The following LMBRD1 variants were observed in gnomAD, a reference collection of about 807,000 sequenced individuals.
LMBRD1 encodes lysosomal cobalamin transport escort protein LMBD1.
LMBRD1 carries 64 observed loss-of-function variants against 74.8 expected under a neutral mutation model. The ratio of observed to expected loss-of-function variants is 0.86; its 90% confidence interval spans 0.70 to 1.05. The LOEUF (loss-of-function observed/expected upper bound fraction) is 1.05, where lower values mean the gene tolerates loss of function less well. Among genes scored for constraint, LMBRD1 ranks in the 50% least tolerant of loss-of-function variants. The probability of loss-of-function intolerance (pLI) is 0.00; values close to 1 mark genes in which losing one functional copy is unlikely to be tolerated. For synonymous variants in LMBRD1, 204 were observed against 216.3 expected (o/e 0.94, Z 0.50); for missense variants, 652 against 645.9 (o/e 1.01, Z -0.10).
rs1216357242 is a variant in LMBRD1, at chr6:69,780,568, A to T, written c.247-14T>A. 6.3e-7 allele frequency: 1 copy of T among 1,590,898 alleles called. No homozygotes were observed. The highest frequency in any genetic ancestry group is 1.7e-5 in the Admixed American group (1 of 59,984). ...ATTAGCCCAGTCCTAGGATAAAAGG[A>T]AACAATAGAAATATTAATGAAACAC... On this transcript the variant is annotated splice_polypyrimidine_tract_variant and intron_variant, in intron 2 of 15. Transcript: ENST00000649934.
intron 3 of LMBRD1, among the ~76,000 whole-genome samples, chr6:69,774,444 A>G (rs1415608768): frequency 6.6e-6 from 1 of 152,164 alleles, no homozygotes; most frequent in African/African-American, 2.4e-5. Flanking sequence ...AGCCTCAAAT[A>G]ATTCCTGCTT....
chr6:69,784,973 A>G (rs1368299827), intron 2 of LMBRD1, among the ~76,000 whole-genome samples: 1 of 152,170 alleles, frequency 6.6e-6, no homozygotes, highest in Non-Finnish European at 1.5e-5. Flanking sequence ...AAACTTCCTG[A>G]AAAGTTGTCA....
chr6:69,761,243 C>A (rs1243867562), intron 3 of LMBRD1, among the ~76,000 whole-genome samples: 1 of 152,062 alleles, frequency 6.6e-6, no homozygotes, highest in Non-Finnish European at 1.5e-5. Context: ...CAGTTGTTTT[C>A]CCCATGGATA....
At position 69,782,358 on chromosome 6, in the gene LMBRD1, C is replaced by T. The variant is rs541679174; in HGVS notation, c.247-1804G>A. Among the ~76,000 whole-genome samples the T allele has an allele frequency of 2.1e-3, 322 of 152,278 alleles. 1 individual carries two copies. Among genetic ancestry groups the T allele is most frequent in the African/African-American group, 7.3e-3 (305 of 41,562 alleles). ...AGTCTCCAGGTGTTCAGCAATTGTCCTAGCATTCAGTGAACTACTTGTACC... is the reference window on the plus strand; with the variant it reads ...AGTCTCCAGGTGTTCAGCAATTGTCTTAGCATTCAGTGAACTACTTGTACC... On this transcript the variant is annotated intron_variant, in intron 2 of 15. Transcript: ENST00000649934.
At chr6:69,679,059 A>AAAAC (rs1021094145) in intron 14 of LMBRD1, among the ~76,000 whole-genome samples, 1 of 131,426 alleles carries the variant, frequency 7.6e-6, no homozygotes, top group African/African-American at 2.5e-5. Context: ...AAAAAAAACA[A>AAAAC]AAACAAACAA....
At chr6:69,677,793 C>T (rs555197345) in intron 14 of LMBRD1, among the ~76,000 whole-genome samples, 25 of 152,036 alleles carry the variant, frequency 1.6e-4, no homozygotes, top group African/African-American at 4.8e-4. Flanking sequence ...GAACTTTAGA[C>T]GGCATTATAG....
intron 5 of LMBRD1, chr6:69,746,335 A>T (rs1767230806): frequency 6.5e-6 from 1 of 153,372 alleles, no homozygotes; most frequent in African/African-American, 2.4e-5. Context: ...TCAACTGCTT[A>T]GCCACCCTGG....
intron 9 of LMBRD1, among the ~76,000 whole-genome samples, chr6:69,711,382 A>T (rs762125806): frequency 1.3e-5 from 2 of 152,196 alleles, no homozygotes; most frequent in Non-Finnish European, 2.9e-5. Flanking sequence ...CTATCTATCT[A>T]TATTGGGCAA....
In LMBRD1 at chr6:69,710,064, T is replaced by G; in HGVS notation, c.915+3581A>C. ...AGGATTTGGCAAAGCCAAAATGATT[T>G]TGAAAAAGGAAAATAAAACTGAATA... On this transcript the variant is annotated intron_variant, in intron 9 of 15. Transcript: ENST00000649934. Among the ~76,000 whole-genome samples the G allele has an allele frequency of 2.0e-5, 3 of 152,180 alleles. No homozygotes were observed. The Middle Eastern group carries it at 0.01, about 518-fold the overall frequency.
intron 4 of LMBRD1, among the ~76,000 whole-genome samples, chr6:69,751,410 T>C (rs1765146518): frequency 1.3e-5 from 2 of 151,568 alleles, no homozygotes; most frequent in Non-Finnish European, 2.9e-5. Flanking sequence ...CACTGCAACC[T>C]CCGCCTCGCG....
At chr6:69,782,538 A>G (rs1765858288) in intron 2 of LMBRD1, among the ~76,000 whole-genome samples, 1 of 152,152 alleles carries the variant, frequency 6.6e-6, no homozygotes, top group Non-Finnish European at 1.5e-5. Flanking sequence ...GTTTGAGGCC[A>G]GGCATTGTAG....
chr6:69,733,926 G>A (rs531018888), intron 7 of LMBRD1, among the ~76,000 whole-genome samples: 4 of 152,284 alleles, frequency 2.6e-5, no homozygotes, highest in Admixed American at 2.6e-4. Context: ...TAAGCTAATA[G>A]TGACTATTAA....
At chr6:69,720,489 T>A (rs527395643) in intron 7 of LMBRD1, among the ~76,000 whole-genome samples, 1 of 152,348 alleles carries the variant, frequency 6.6e-6, no homozygotes, top group Admixed American at 6.5e-5. Context: ...TAAGTATCCC[T>A]CATCTTAAAT....
chr6:69,794,898 C>T (rs1272814067), intron 1 of LMBRD1, among the ~76,000 whole-genome samples: 1 of 152,118 alleles, frequency 6.6e-6, no homozygotes, highest in South Asian at 2.1e-4. Flanking sequence ...GCAAGATGGG[C>T]TAATGGATTT....
chr6:69,777,402 G>A (rs780772536), intron 3 of LMBRD1, among the ~76,000 whole-genome samples: 6 of 146,860 alleles, frequency 4.1e-5, no homozygotes, highest in East Asian at 2.0e-4. Context: ...GCAGTGAGCC[G>A]AGACTGCACT....
chr6:69,780,674 T>C (rs1192425642), intron 2 of LMBRD1, 120 bp from the exon 3 acceptor site: 3 of 735,184 alleles, frequency 4.1e-6, no homozygotes, highest in Non-Finnish European at 7.3e-6. Context: ...ATAAAAACAA[T>C]CTATGTCTTC....
intron 14 of LMBRD1, among the ~76,000 whole-genome samples, chr6:69,692,424 T>A (rs1582052611): frequency 1.3e-5 from 2 of 152,150 alleles, no homozygotes; most frequent in East Asian, 3.8e-4. Flanking sequence ...AAGTTTACAA[T>A]AACAAAGATA....
intron 8 of LMBRD1, among the ~76,000 whole-genome samples, chr6:69,717,367 C>T (rs904595253): frequency 2.6e-5 from 4 of 152,018 alleles, no homozygotes; most frequent in Non-Finnish European, 4.4e-5. Flanking sequence ...CTAAAAGTAA[C>T]AAGGATACTA....
chr6:69,713,637 T>C lies in LMBRD1; in HGVS notation c.915+8A>G. ...AGTGACAGCATAATTTTTAAAAACTTCATTTACCTTCAGGGGACGCAGAGC... is the reference window on the plus strand; with the variant it reads ...AGTGACAGCATAATTTTTAAAAACTCCATTTACCTTCAGGGGACGCAGAGC... On this transcript the variant is annotated splice_region_variant and intron_variant, in intron 9 of 15. Coordinates refer to ENST00000649934, the MANE Select transcript of LMBRD1 (RefSeq NM_018368.4). The C allele has an allele frequency of 6.2e-7, 1 of 1,613,118 alleles. No individual in the cohort carries two copies. Among genetic ancestry groups the C allele is most frequent in the Non-Finnish European group, 8.5e-7 (1 of 1,179,376 alleles).
Sources: gnomAD v4.1 joint callset for allele counts (sites outside exome capture counted in the v4.1 genomes callset) on GRCh38, gnomAD v4.1.1 for gene constraint, MANE v1.5 for transcripts, NCBI Gene and HGNC (gene_info 2026-07-23, HGNC 2026-07-21) for gene names.